The following ENAH variants were observed in gnomAD, a reference collection of about 807,000 sequenced individuals.
ENAH encodes protein enabled homolog.
ENAH carries 23 observed loss-of-function variants against 78.7 expected under a neutral mutation model. That is an observed-to-expected ratio of 0.29 (90% CI 0.21 to 0.41). ENAH has a LOEUF of 0.41. Among genes scored for constraint, ENAH ranks in the 10% least tolerant of loss-of-function variants. The pLI is 1.00. For missense variants in ENAH, 544 were observed against 691.0 expected, an observed-to-expected ratio of 0.79 and a Z score of 2.39; for synonymous variants, 226 against 241.0, an observed-to-expected ratio of 0.94 and a Z score of 0.58.
chr1:225,517,952 G>C, intron 5 of ENAH: 2 of 1,547,496 alleles, frequency 1.3e-6, no homozygotes, highest in Non-Finnish European at 1.7e-6. Flanking sequence ...GAATACTCAG[G>C]AAGTGGAGCG....
chr1:225,628,189 T>C (rs1334319769), intron 1 of ENAH, among the ~76,000 whole-genome samples: 1 of 152,176 alleles, frequency 6.6e-6, no homozygotes, highest in Non-Finnish European at 1.5e-5. Flanking sequence ...AAACATTCCC[T>C]CCTATTGCTG....
At chr1:225,553,103 G>A (rs963382125) in intron 3 of ENAH, among the ~76,000 whole-genome samples, 4 of 152,090 alleles carry the variant, frequency 2.6e-5, no homozygotes, top group African/African-American at 9.7e-5. Context: ...GTGTGGTGGT[G>A]AGCACCGGTA....
intron 3 of ENAH, among the ~76,000 whole-genome samples, chr1:225,539,636 TA>T (rs915261070): frequency 5.3e-5 from 8 of 152,178 alleles, no homozygotes; most frequent in Non-Finnish European, 1.0e-4. Context: ...GCTCTTAAGA[TA>T]AATACCAAAA....
chr1:225,626,206 A>T (rs1047157837), intron 1 of ENAH, among the ~76,000 whole-genome samples: 3 of 152,246 alleles, frequency 2.0e-5, no homozygotes, highest in Non-Finnish European at 2.9e-5. Context: ...AAGCTGCCCT[A>T]GCTCCAGCAA....
intron 1 of ENAH, among the ~76,000 whole-genome samples, chr1:225,598,882 CTGAG>C (rs1463959908): frequency 1.3e-5 from 2 of 151,560 alleles, no homozygotes; most frequent in African/African-American, 2.4e-5. Context: ...TGCTAAATCA[CTGAG>C]TTAGGGAGTG....
chr1:225,498,856 T>G (rs1346110869), intron 12 of ENAH, among the ~76,000 whole-genome samples: 1 of 152,172 alleles, frequency 6.6e-6, no homozygotes, highest in African/African-American at 2.4e-5. Context: ...GGAATCACCA[T>G]AGCTGCCAAA....
chr1:225,522,439 A>T (rs2151196454), intron 4 of ENAH, among the ~76,000 whole-genome samples: 1 of 152,324 alleles, frequency 6.6e-6, no homozygotes, highest in South Asian at 2.1e-4. Flanking sequence ...TTTATTTATG[A>T]GTAGTTGTTT....
intron 12 of ENAH, 41 bp downstream of exon 12, chr1:225,500,944 TAAAAAGA>T (rs2096278946): frequency 2.6e-6 from 4 of 1,550,410 alleles, no homozygotes; most frequent in Non-Finnish European, 3.6e-6. Context: ...GGATATTTTT[TAAAAAGA>T]AACAAGTACA....
intron 3 of ENAH, among the ~76,000 whole-genome samples, chr1:225,549,203 G>A (rs939523622): frequency 1.3e-5 from 2 of 152,106 alleles, no homozygotes; most frequent in Non-Finnish European, 2.9e-5. Context: ...AAGATTAGTT[G>A]TTTCGGAAAG....
intron 1 of ENAH, among the ~76,000 whole-genome samples, chr1:225,641,864 T>C (rs954636571): frequency 3.3e-5 from 5 of 152,004 alleles, no homozygotes; most frequent in Non-Finnish European, 7.4e-5. Context: ...CTACTAAAAA[T>C]ACAAAAATTA....
intron 1 of ENAH, among the ~76,000 whole-genome samples, chr1:225,642,150 G>A (rs1661183732): frequency 1.3e-5 from 2 of 149,622 alleles, no homozygotes; most frequent in Admixed American, 6.7e-5. Flanking sequence ...GCAGTGAGCC[G>A]AAATCGCATG....
chr1:225,549,650 T>C (rs952925301), intron 3 of ENAH, among the ~76,000 whole-genome samples: 9 of 151,476 alleles, frequency 5.9e-5, no homozygotes, highest in African/African-American at 1.9e-4. Context: ...ATAAAGATGA[T>C]TGGTTATGTA....
At position 225,506,557 on chromosome 1, in the gene ENAH, G is replaced by GA. The variant is rs1326973897; in HGVS notation, c.1538+1393dup. ...TACTGAAGAAAATCCGTAACTAGTAGAGATGTGTTAGAAGGCCATCTCAGT... is the reference window on the plus strand; with the variant it reads ...TACTGAAGAAAATCCGTAACTAGTAGAAGATGTGTTAGAAGGCCATCTCAGT... On this transcript the variant is annotated intron_variant, in intron 11 of 13. Coordinates refer to ENST00000366843, the MANE Select transcript of ENAH (RefSeq NM_018212.6). Among the ~76,000 whole-genome samples the GA allele has an allele frequency of 1.4e-4, 22 of 152,328 alleles. No homozygotes were observed. In the East Asian group the frequency reaches 4.0e-3, roughly 28 times the overall value.
intron 1 of ENAH, among the ~76,000 whole-genome samples, chr1:225,646,637 A>G (rs1323532021): frequency 6.6e-6 from 1 of 151,640 alleles, no homozygotes; most frequent in Non-Finnish European, 1.5e-5. Flanking sequence ...AAATACAAAA[A>G]AATTAGCCAG....
chr1:225,542,905 G>C (rs562114615), intron 3 of ENAH, among the ~76,000 whole-genome samples: 73 of 152,048 alleles, frequency 4.8e-4, no homozygotes, highest in African/African-American at 1.7e-3. Context: ...TGTAGTCCCA[G>C]CTACTCAGGA....
rs1553421309 is a variant in ENAH at position 225,519,327 on chromosome 1, C to G, written c.673G>C (p.Glu225Gln). 1 of 1,605,040 alleles carries G rather than the reference C, an allele frequency of 6.2e-7. No individual in the cohort carries two copies. Among genetic ancestry groups the G allele is most frequent in the Non-Finnish European group, 8.5e-7 (1 of 1,176,962 alleles). The stretch of plus-strand genomic sequence containing the variant: ...TCTCGTTCTTGTCTTTCTTGCCTCT[C>G]CCGATCCAGGCGTTCCTGCCGCTCC... Reference protein sequence around the residue: ...RLERQERLDRERQERQERERL... With the variant: ...RLERQERLDRQRQERQERERL... The change falls in exon 5 of 14, where the codon GAG becomes CAG. Residue 225 changes from glutamate to glutamine, a missense_variant. By Grantham distance (29) the Glu-to-Gln change is conservative (BLOSUM62 2). Around this residue, in one of 4 missense-constraint regions of ENAH, gnomAD observed 366 missense variants for 396.1 expected, o/e 0.92. Coordinates refer to ENST00000366843, the MANE Select transcript of ENAH (RefSeq NM_018212.6).
chr1:225,511,028 T>G (rs2096373202), intron 10 of ENAH, among the ~76,000 whole-genome samples: 1 of 151,880 alleles, frequency 6.6e-6, no homozygotes, highest in South Asian at 2.1e-4. Flanking sequence ...CTCAAAAAAA[T>G]TAAAAAAATG....
At chr1:225,596,450 C>A (rs1035817383) in intron 1 of ENAH, among the ~76,000 whole-genome samples, 3 of 152,052 alleles carry the variant, frequency 2.0e-5, no homozygotes, top group African/African-American at 7.2e-5. Context: ...TGAAATTACA[C>A]CAGCCTTATT....
chr1:225,554,639 C>G (rs930330515), intron 3 of ENAH, among the ~76,000 whole-genome samples: 38 of 152,130 alleles, frequency 2.5e-4, no homozygotes, highest in African/African-American at 8.9e-4. Flanking sequence ...CATCTAAATA[C>G]TTCAAATAAA....
Sources: allele counts gnomAD v4.1 joint callset (sites outside exome capture counted in the v4.1 genomes callset), GRCh38; gene constraint gnomAD v4.1.1; regional missense constraint gnomAD v4.1.1; transcripts MANE v1.5; gene names NCBI Gene and HGNC (gene_info 2026-07-23, HGNC 2026-07-21).